THEMIS: variants seen among roughly 807,000 people sequenced by gnomAD.
THEMIS encodes the protein thymocyte selection associated, also known as protein THEMIS.
In THEMIS, 37 loss-of-function variants were observed where a neutral mutation model predicts 52.6. That is an observed-to-expected ratio of 0.70 (90% CI 0.54 to 0.93). THEMIS has a LOEUF of 0.93. THEMIS is among the 40% of genes least tolerant of loss of function. The pLI, the probability that THEMIS is intolerant of heterozygous loss-of-function variation, is 0.00. For missense variants in THEMIS, 808 were observed against 763.1 expected, an observed-to-expected ratio of 1.06 and a Z score of -0.69; for synonymous variants, 292 against 272.7, an observed-to-expected ratio of 1.07 and a Z score of -0.70.
intron 2 of THEMIS, among the ~76,000 whole-genome samples, chr6:127,840,952 G>A (rs72973315): frequency 1.1e-3 from 161 of 152,134 alleles, no homozygotes; most frequent in Non-Finnish European, 1.9e-3. Flanking sequence ...AGGAGAGAGG[G>A]GAATGAGTAG....
intron 4 of THEMIS, among the ~76,000 whole-genome samples, chr6:127,766,171 G>C (rs1776192461): frequency 6.6e-6 from 1 of 151,970 alleles, no homozygotes; most frequent in Non-Finnish European, 1.5e-5. Flanking sequence ...AACAAACTCT[G>C]AATCATCATC....
In THEMIS at chr6:127,829,865, A is replaced by G. The variant is rs1778640829; in HGVS notation, c.320T>C (p.Ile107Thr). The G allele has an allele frequency of 6.2e-7, 1 of 1,614,076 alleles. No homozygotes were observed. Among genetic ancestry groups the G allele is most frequent in the Middle Eastern group, 1.7e-4 (1 of 6,056 alleles). ...TMEEITRTIHIGPSRLGHPCF... is the reference protein window; with the variant it reads ...TMEEITRTIHTGPSRLGHPCF... ...AGGATGCCCTAGTCTACTTGGTCCAATATGAATGGTCCTTGTGATTTCTTC... is the reference window on the plus strand; with the variant it reads ...AGGATGCCCTAGTCTACTTGGTCCAGTATGAATGGTCCTTGTGATTTCTTC... The change falls in exon 3 of 6, where the codon ATT (isoleucine) becomes ACT (threonine). Residue 107 changes from isoleucine (I) to threonine (T), a missense_variant. Coordinates refer to ENST00000368248, the MANE Select transcript of THEMIS (RefSeq NM_001010923.3).
At chr6:127,873,905 T>C (rs1180456210) in intron 1 of THEMIS, among the ~76,000 whole-genome samples, 1 of 152,232 alleles carries the variant, frequency 6.6e-6, no homozygotes. Context: ...GTTTACATCA[T>C]TTGTTTATAA....
At chr6:127,763,189 A>G (rs1037443403) in intron 4 of THEMIS, among the ~76,000 whole-genome samples, 2 of 152,006 alleles carry the variant, frequency 1.3e-5, no homozygotes, top group South Asian at 4.1e-4. Flanking sequence ...GTCAATTTAG[A>G]AAGGAAAGGG....
intron 1 of THEMIS, among the ~76,000 whole-genome samples, chr6:127,859,726 G>A (rs951470919): frequency 1.3e-5 from 2 of 152,226 alleles, no homozygotes; most frequent in African/African-American, 4.8e-5. Flanking sequence ...AAGGAGTAAT[G>A]AGGGTAGTGG....
rs142103215 is a variant in THEMIS, at chr6:127,755,869, A to T, written c.1759-36046T>A. Among the ~76,000 whole-genome samples the T allele has an allele frequency of 3.4e-3, 523 of 152,162 alleles. 2 individuals are homozygous for T. The highest frequency in any genetic ancestry group is 0.012 in the African/African-American group (494 of 41,520). On this transcript the variant is annotated intron_variant, in intron 4 of 5. Transcript: ENST00000368248. Reference sequence around the variant, plus strand: ...TGGAGAAACCCTGTCTCTACTAAAAATACAAAAATTAGCCCAGCATGGTGG... The same window carrying T: ...TGGAGAAACCCTGTCTCTACTAAAATTACAAAAATTAGCCCAGCATGGTGG...
rs903642873 is a variant in THEMIS at position 127,790,887 on chromosome 6, C to A, written c.1758+21996G>T. Among the ~76,000 whole-genome samples the A allele has an allele frequency of 1.1e-4, 17 of 152,316 alleles. No homozygotes were observed. In the South Asian group the frequency reaches 3.3e-3, roughly 30 times the overall value. ...GGCTGTGGCTGGATGAGGCACACTG[C>A]AAGTAGCTTCCATGGCTGGCACCAG... On this transcript the variant is annotated intron_variant, in intron 4 of 5. Transcript: ENST00000368248.
intron 2 of THEMIS, among the ~76,000 whole-genome samples, chr6:127,835,167 A>G (rs1778835484): frequency 6.6e-6 from 1 of 152,104 alleles, no homozygotes; most frequent in South Asian, 2.1e-4. Flanking sequence ...ACCTCTCACA[A>G]AGCATTGTTA....
intron 3 of THEMIS, among the ~76,000 whole-genome samples, chr6:127,815,033 C>T (rs1778077368): frequency 6.6e-6 from 1 of 152,050 alleles, no homozygotes; most frequent in Non-Finnish European, 1.5e-5. Context: ...GGTGGCATGT[C>T]CCAGCTACTC....
At chr6:127,901,107 G>T, upstream of THEMIS, 1 of 594,986 alleles carries the variant, frequency 1.7e-6, no homozygotes. Flanking sequence ...AATGAAGAGG[G>T]AGGGGGGAAG....
At chr6:127,739,922 C>G (rs1256894909) in intron 4 of THEMIS, among the ~76,000 whole-genome samples, 1 of 152,162 alleles carries the variant, frequency 6.6e-6, no homozygotes, top group Non-Finnish European at 1.5e-5. Context: ...GGCTGACATT[C>G]GCTGGCGTGC....
the THEMIS span, among the ~76,000 whole-genome samples, chr6:127,698,962 T>C: frequency 6.6e-6 from 1 of 151,954 alleles, no homozygotes; most frequent in Non-Finnish European, 1.5e-5. Flanking sequence ...GTCTAGAAAT[T>C]CCACAGCCTT....
At chr6:127,764,786 A>G (rs906406798) in intron 4 of THEMIS, among the ~76,000 whole-genome samples, 7 of 151,988 alleles carry the variant, frequency 4.6e-5, no homozygotes, top group African/African-American at 1.2e-4. Flanking sequence ...AAGTTATTTT[A>G]ACTCTGCTTT....
At chr6:127,779,349 TAAC>T (rs1387621227) in intron 4 of THEMIS, among the ~76,000 whole-genome samples, 6 of 152,234 alleles carry the variant, frequency 3.9e-5, no homozygotes, top group Non-Finnish European at 7.4e-5. Context: ...CTCAGTGAGT[TAAC>T]AACGAGTTTG....
intron 1 of THEMIS, among the ~76,000 whole-genome samples, chr6:127,885,399 G>A (rs1481476560): frequency 6.6e-6 from 1 of 152,016 alleles, no homozygotes; most frequent in East Asian, 1.9e-4. Context: ...TGAGTGGTGA[G>A]TTATACTCTC....
chr6:127,913,804 C>T (rs1230119959), intron 1 of THEMIS, among the ~76,000 whole-genome samples: 2 of 152,200 alleles, frequency 1.3e-5, no homozygotes, highest in East Asian at 3.8e-4. Context: ...CACAAGTACT[C>T]TATTTTAGAA....
At position 127,742,773 on chromosome 6, in the gene THEMIS, G is replaced by A. The variant is rs190403068; in HGVS notation, c.1759-22950C>T. On this transcript the variant is annotated intron_variant, in intron 4 of 5. Coordinates refer to ENST00000368248, the MANE Select transcript of THEMIS (RefSeq NM_001010923.3). Reference sequence around the variant, plus strand: ...TGGTTGTCAGGGGCTGGGGGTGGGGGAGAAATAAAAAGTTATTATTTAAGG... The same window carrying A: ...TGGTTGTCAGGGGCTGGGGGTGGGGAAGAAATAAAAAGTTATTATTTAAGG... 3.9e-3 allele frequency among the ~76,000 whole-genome samples: 599 copies of A among 152,104 alleles called. 3 individuals carry two copies. Among genetic ancestry groups the A allele is most frequent in the Non-Finnish European group, 6.1e-3 (415 of 67,976 alleles).
chr6:127,902,079 C>A (rs1781149098), upstream of THEMIS, among the ~76,000 whole-genome samples: 1 of 151,792 alleles, frequency 6.6e-6, no homozygotes, highest in African/African-American at 2.4e-5. Context: ...AGTCCCAGCA[C>A]TTTAGGAGGC....
At chr6:127,772,112 C>T (rs576412055) in intron 4 of THEMIS, among the ~76,000 whole-genome samples, 63 of 151,816 alleles carry the variant, frequency 4.1e-4, no homozygotes, top group African/African-American at 1.5e-3. Flanking sequence ...TTTAATCATC[C>T]TCCTATTAAT....
Sources: gnomAD v4.1 joint callset for allele counts (sites outside exome capture counted in the v4.1 genomes callset) on GRCh38, gnomAD v4.1.1 for gene constraint, MANE v1.5 for transcripts, NCBI Gene and HGNC (gene_info 2026-07-23, HGNC 2026-07-21) for gene names.